Variants in SPOPL observed in about 807,000 individuals in gnomAD.
SPOPL encodes speckle-type POZ protein-like.
In SPOPL, 23 loss-of-function variants were observed where a neutral mutation model predicts 53.8. That is an observed-to-expected ratio of 0.43 (90% CI 0.31 to 0.61). SPOPL has a LOEUF of 0.61. Ranked by LOEUF, SPOPL falls within the 20% of genes least tolerant of loss-of-function variation. The pLI, the probability that SPOPL is intolerant of heterozygous loss-of-function variation, is 0.12. For missense variants in SPOPL, 442 were observed against 466.9 expected, an observed-to-expected ratio of 0.95 and a Z score of 0.49; for synonymous variants, 164 against 149.7, an observed-to-expected ratio of 1.10 and a Z score of -0.70.
chr2:138,518,539 T>C (rs1684494149), intron 1 of SPOPL, among the ~76,000 whole-genome samples: 2 of 152,224 alleles, frequency 1.3e-5, no homozygotes, highest in South Asian at 4.1e-4. Flanking sequence ...ACACAGACTT[T>C]ACAGATACAT....
At chr2:138,560,763 T>C (rs1573908042) in intron 7 of SPOPL, 42 bp from the exon 8 acceptor site, 5 of 170,034 alleles carry the variant, frequency 2.9e-5, no homozygotes, top group Non-Finnish European at 3.4e-5. Context: ...TTGTGTGTAC[T>C]TTTTTTTTTT....
intron 1 of SPOPL, among the ~76,000 whole-genome samples, chr2:138,525,191 A>G (rs1684643227): frequency 6.6e-6 from 1 of 152,196 alleles, no homozygotes; most frequent in Admixed American, 6.5e-5. Context: ...GGCATGTCTC[A>G]CATGGTGGCA....
chr2:138,507,573 C>G (rs148772775), intron 1 of SPOPL, among the ~76,000 whole-genome samples: 482 of 152,182 alleles, frequency 3.2e-3, no homozygotes, highest in South Asian at 5.8e-3. Context: ...GTGGAGAAGA[C>G]GAGTTAAACA....
intron 1 of SPOPL, among the ~76,000 whole-genome samples, chr2:138,505,573 A>G (rs900326214): frequency 4.9e-5 from 7 of 142,968 alleles, no homozygotes; most frequent in African/African-American, 1.8e-4. Flanking sequence ...CCCGGCCAAC[A>G]TGGTGAAACT....
At chr2:138,540,383 G>C (rs935477078) in intron 1 of SPOPL, among the ~76,000 whole-genome samples, 1 of 152,160 alleles carries the variant, frequency 6.6e-6, no homozygotes, top group Non-Finnish European at 1.5e-5. Flanking sequence ...CATGAGCATG[G>C]AATGTTCTTC....
At chr2:138,502,948 A>G (rs1187632961) in intron 1 of SPOPL, among the ~76,000 whole-genome samples, 1 of 152,212 alleles carries the variant, frequency 6.6e-6, no homozygotes, top group Non-Finnish European at 1.5e-5. Flanking sequence ...GAACTCTGTC[A>G]TTCAGTGATT....
rs1685801199 is a variant in SPOPL, at chr2:138,572,348, T to C, written c.*3268T>C. ...ATTATTCATTTATTTTTAAACTGGA[T>C]CTAAATAAGAGCTTAGATGGCCAAA... On this transcript the variant is annotated 3_prime_UTR_variant, in exon 11 of 11. Coordinates refer to ENST00000280098, the MANE Select transcript of SPOPL (RefSeq NM_001001664.3). The C allele has an allele frequency of 6.6e-6, 1 of 152,526 alleles. No homozygotes were observed. Among genetic ancestry groups the C allele is most frequent in the Non-Finnish European group, 1.5e-5 (1 of 68,024 alleles). 9.4% of individuals were successfully genotyped at this position (152,526 alleles called of 1,614,324 possible).
chr2:138,549,869 A>C (rs1007345917), intron 1 of SPOPL, among the ~76,000 whole-genome samples: 3 of 152,114 alleles, frequency 2.0e-5, no homozygotes, highest in Non-Finnish European at 2.9e-5. Context: ...TTGTGATTTT[A>C]TGTATATGCT....
intron 1 of SPOPL, among the ~76,000 whole-genome samples, chr2:138,509,256 G>A (rs139252737): frequency 0.012 from 1,765 of 152,152 alleles, 37 homozygotes; most frequent in African/African-American, 0.04. Context: ...CACTTCTTTG[G>A]AGTTGGTGTA....
intron 1 of SPOPL, among the ~76,000 whole-genome samples, chr2:138,506,317 C>T (rs984750795): frequency 1.8e-4 from 28 of 152,188 alleles, no homozygotes; most frequent in Non-Finnish European, 2.8e-4. Flanking sequence ...TTGCTGTAAA[C>T]GTTCCTAAAT....
intron 5 of SPOPL, among the ~76,000 whole-genome samples, chr2:138,556,286 T>C (rs1342446465): frequency 6.6e-6 from 1 of 152,234 alleles, no homozygotes; most frequent in African/African-American, 2.4e-5. Flanking sequence ...TCTGATAATA[T>C]TGTCTTTATT....
chr2:138,521,782 G>A (rs747969539), intron 1 of SPOPL, among the ~76,000 whole-genome samples: 3 of 152,198 alleles, frequency 2.0e-5, no homozygotes, highest in Admixed American at 1.3e-4. Context: ...GTTGGAGAAT[G>A]TTGTGGATTT....
rs368771043 is a variant in SPOPL, at chr2:138,562,670, G to A, written c.837+1743G>A. 1.1e-4 allele frequency among the ~76,000 whole-genome samples: 17 copies of A among 151,114 alleles called. No homozygotes were observed. In the East Asian group the frequency reaches 3.1e-3, roughly 28 times the overall value. On this transcript the variant is annotated intron_variant, in intron 8 of 10. Coordinates refer to ENST00000280098, the MANE Select transcript of SPOPL (RefSeq NM_001001664.3). The stretch of plus-strand genomic sequence containing the variant: ...ATGGTGGTGTGTGCCTGTAATCCCA[G>A]TTTCTTGGGAGGCTGAGGCAGGAGA...
chr2:138,559,961 T>C (rs1004922053), intron 7 of SPOPL, among the ~76,000 whole-genome samples: 4 of 152,156 alleles, frequency 2.6e-5, no homozygotes, highest in African/African-American at 9.7e-5. Flanking sequence ...ATAACTGCTT[T>C]CTTTCTCCAA....
chr2:138,563,639 C>T (rs141843931), intron 8 of SPOPL, among the ~76,000 whole-genome samples: 9 of 152,196 alleles, frequency 5.9e-5, no homozygotes, highest in African/African-American at 1.4e-4. Context: ...GTTAAAGACA[C>T]GGAAAAATTA....
At chr2:138,539,636 G>A (rs1371249258) in intron 1 of SPOPL, among the ~76,000 whole-genome samples, 2 of 152,132 alleles carry the variant, frequency 1.3e-5, no homozygotes, top group Non-Finnish European at 2.9e-5. Context: ...GTTCTTTGTA[G>A]ATTCTGAATA....
intron 1 of SPOPL, among the ~76,000 whole-genome samples, chr2:138,549,175 A>G (rs1372117212): frequency 2.6e-5 from 4 of 151,986 alleles, no homozygotes; most frequent in African/African-American, 4.8e-5. Flanking sequence ...TCTGCCTTCA[A>G]TTCTGTTAGT....
intron 1 of SPOPL, among the ~76,000 whole-genome samples, chr2:138,523,918 A>T (rs1684613004): frequency 6.6e-6 from 1 of 152,072 alleles, no homozygotes; most frequent in Non-Finnish European, 1.5e-5. Context: ...TGGATCTACC[A>T]TTCTGGGGTC....
rs1203837374 is a variant in SPOPL at position 138,552,779 on chromosome 2, A to G, written c.480+98A>G. On this transcript the variant is annotated intron_variant, in intron 5 of 10. Transcript: ENST00000280098. ...AACACTTTAAAATTAAGTAATTGGT[A>G]TAGTTGATTGAGTTTCATTTGTAAA... 7.5e-6 allele frequency: 10 copies of G among 1,341,092 alleles called. No individual in the cohort carries two copies. The Admixed American group carries it at 7.7e-5, about 10-fold the overall frequency. 83.1% of individuals were successfully genotyped at this position (1,341,092 alleles called of 1,614,324 possible).
Sources: gnomAD v4.1 joint callset for allele counts (sites outside exome capture counted in the v4.1 genomes callset) on GRCh38, gnomAD v4.1.1 for gene constraint, MANE v1.5 for transcripts, NCBI Gene and HGNC (gene_info 2026-07-23, HGNC 2026-07-21) for gene names.